Variants in P2RX7 observed in about 807,000 individuals in gnomAD.
The protein encoded by P2RX7 is purinergic receptor P2X 7.
P2RX7 carries 62 observed loss-of-function variants against 71.6 expected under a neutral mutation model. The ratio of observed to expected loss-of-function variants is 0.87; its 90% CI spans 0.71 to 1.07. The LOEUF (loss-of-function observed/expected upper bound fraction) is 1.07. Among genes scored for constraint, P2RX7 ranks in the 50% least tolerant of loss-of-function variants. The probability of loss-of-function intolerance (pLI) is 0.00; values close to 1 mark genes in which losing one functional copy is unlikely to be tolerated. For synonymous variants in P2RX7, 299 were observed against 283.3 expected (o/e 1.06, Z -0.56); for missense variants, 686 against 748.5 (o/e 0.92, Z 0.97).
chr12:121,180,431 A>G lies in P2RX7; in HGVS notation c.1266A>G (p.Gln422=). ...AGCAGCTACTAGGGAGAAGTCTGCA[A>G]GATGTCAAGGGCCAAGAAGTCCCAG... ...VNQQLLGRSL[Q]DVKGQEVPRP... The change falls in exon 12 of 13, where the codon CAA becomes CAG. Residue 422 remains glutamine, a synonymous_variant. Coordinates refer to ENST00000328963, the MANE Select transcript of P2RX7 (RefSeq NM_002562.6). 1 of 1,600,634 alleles carries G rather than the reference A, an allele frequency of 6.2e-7. No individual in the cohort carries two copies. The highest frequency in any genetic ancestry group is 8.5e-7 in the Non-Finnish European group (1 of 1,172,600).
At chr12:121,179,407 G>C (rs546405399) in intron 11 of P2RX7, among the ~76,000 whole-genome samples, 1 of 151,764 alleles carries the variant, frequency 6.6e-6, no homozygotes, top group African/African-American at 2.4e-5. Flanking sequence ...GGCTGAGGCA[G>C]GAGAATCGCT....
intron 4 of P2RX7, 36 bp downstream of exon 4, chr12:121,161,010 G>A: frequency 6.6e-7 from 1 of 1,506,464 alleles, no homozygotes; most frequent in Non-Finnish European, 9.2e-7. Context: ...CCCTAGGGGT[G>A]GATGGTCTGG....
rs200942168 is a variant in P2RX7 at position 121,154,937 on chromosome 12, A to T, written c.278A>T (p.Tyr93Phe). ...LVHSVFDTAD[Y>F]TFPLQGNSFF... ...CACAGTGTCTTTGACACCGCAGACTACACCTTCCCTTTGCAGGTGAGCACC... is the reference window on the plus strand; with the variant it reads ...CACAGTGTCTTTGACACCGCAGACTTCACCTTCCCTTTGCAGGTGAGCACC... Residue 93 changes from tyrosine to phenylalanine, a missense_variant, in exon 2 of 13, where the codon TAC becomes TTC. By Grantham distance (22) the Tyr-to-Phe change is conservative. Coordinates refer to ENST00000328963, the MANE Select transcript of P2RX7 (RefSeq NM_002562.6). The surrounding 1 kb of genome is among the most constrained non-coding windows in gnomAD (Gnocchi z 4.2). The T allele has an allele frequency of 2.3e-5, 37 of 1,613,974 alleles. No individual in the cohort carries two copies. The highest frequency in any genetic ancestry group is 3.0e-5 in the Non-Finnish European group (35 of 1,179,982).
chr12:121,165,221 T>C (rs1482919917), intron 5 of P2RX7, 136 bp from the exon 6 acceptor site: 3 of 649,602 alleles, frequency 4.6e-6, no homozygotes, highest in Non-Finnish European at 8.2e-6. Context: ...CTTTGCCCAC[T>C]AGGTTTGCTG....
chr12:121,162,037 G>C (rs1004973998), intron 4 of P2RX7, among the ~76,000 whole-genome samples: 17 of 152,148 alleles, frequency 1.1e-4, no homozygotes, highest in African/African-American at 4.1e-4. Context: ...CTGATTTCAT[G>C]GCTTTGCACA....
intron 1 of P2RX7, among the ~76,000 whole-genome samples, chr12:121,140,487 G>T (rs1874621700): frequency 6.6e-6 from 1 of 152,210 alleles, no homozygotes; most frequent in East Asian, 1.9e-4. Flanking sequence ...GTCACCAGAT[G>T]CGAGGAGATA....
Position 121,187,873 on chromosome 12 carries a change from G to C in P2RX7, c.*3071G>C, listed in dbSNP as rs1885024918. The stretch of plus-strand genomic sequence containing the variant: ...TTCCTTTCTGTGTCAGAAGAGAAGG[G>C]ATCTGCTTTCTCTTGGCTGATTTCA... On this transcript the variant is annotated 3_prime_UTR_variant, in exon 13 of 13. Transcript: ENST00000328963. The C allele has an allele frequency of 1.3e-5, 2 of 152,188 alleles. No individual in the cohort carries two copies. Among genetic ancestry groups the C allele is most frequent in the African/African-American group, 4.8e-5 (2 of 41,448 alleles). The allele number at this position is 152,188 out of a possible 1,614,324, so 9.4% of individuals were successfully genotyped here.
chr12:121,157,970 G>T (rs529061042), intron 3 of P2RX7, among the ~76,000 whole-genome samples: 105 of 152,338 alleles, frequency 6.9e-4, no homozygotes, highest in African/African-American at 2.4e-3. Context: ...CACTCAGAGT[G>T]ACTGGAACCC....
chr12:121,165,766 G>C (rs1880886771), intron 6 of P2RX7, among the ~76,000 whole-genome samples: 1 of 152,212 alleles, frequency 6.6e-6, no homozygotes, highest in African/African-American at 2.4e-5. Flanking sequence ...TATGGTGGCT[G>C]GCTTCTCCCA....
Position 121,132,888 on chromosome 12 carries a change from G to T in P2RX7, c.-83G>T. On this transcript the variant is annotated 5_prime_UTR_variant, in exon 1 of 13. Coordinates refer to ENST00000328963, the MANE Select transcript of P2RX7 (RefSeq NM_002562.6). ...AAAAACCAGTACGTTTCATTTTGCA[G>T]TTACTGGGAGGGGGCTTGCTGTGGC... 1 of 1,535,804 alleles carries T rather than the reference G, an allele frequency of 6.5e-7. No homozygotes were observed. The highest frequency in any genetic ancestry group is 8.9e-7 in the Non-Finnish European group (1 of 1,122,432).
At chr12:121,158,550 C>T (rs1186612279) in intron 3 of P2RX7, among the ~76,000 whole-genome samples, 1 of 152,234 alleles carries the variant, frequency 6.6e-6, no homozygotes, top group Non-Finnish European at 1.5e-5. Context: ...AGGCCTGGAA[C>T]TGGCAACAGC....
At chr12:121,150,742 T>C (rs169632) in intron 1 of P2RX7, among the ~76,000 whole-genome samples, 63,746 of 151,976 alleles carry the variant, frequency 0.42, 16,756 homozygotes, top group African/African-American at 0.75. Context: ...AACCCCATCT[T>C]TACTAAAAAT....
intron 3 of P2RX7, among the ~76,000 whole-genome samples, chr12:121,159,828 G>A (rs1718162): frequency 0.1 from 15,681 of 152,076 alleles, 983 homozygotes; most frequent in African/African-American, 0.18. Context: ...CTGAGTCTCC[G>A]CACCTGTTTG....
At chr12:121,156,242 T>C (rs1400262828) in intron 3 of P2RX7, 95 bp downstream of exon 3, 11 of 1,003,660 alleles carry the variant, frequency 1.1e-5, no homozygotes, top group African/African-American at 6.3e-5. Context: ...TGGGGTGTAT[T>C]TGAGCCCACA....
rs144325918 is a variant in P2RX7 at position 121,178,966 on chromosome 12, T to A, written c.1189-1388T>A. Among the ~76,000 whole-genome samples, 31 of 151,948 alleles carry A rather than the reference T, an allele frequency of 2.0e-4. 1 individual carries two copies. In the East Asian group the frequency reaches 6.0e-3, roughly 29 times the overall value. On this transcript the variant is annotated intron_variant, in intron 11 of 12. Coordinates refer to ENST00000328963, the MANE Select transcript of P2RX7 (RefSeq NM_002562.6). ...ATATTTTCTGCATGTATATTCTATA[T>A]ATACACAAGTGTACACACACACACA...
chr12:121,152,850 A>T (rs1877736637), intron 1 of P2RX7, among the ~76,000 whole-genome samples: 1 of 152,156 alleles, frequency 6.6e-6, no homozygotes, highest in South Asian at 2.1e-4. Context: ...CCAACAATTT[A>T]TTTATCCATT....
intron 1 of P2RX7, chr12:121,148,998 A>G: frequency 1.9e-6 from 1 of 512,900 alleles, no homozygotes; most frequent in Non-Finnish European, 3.9e-6. Flanking sequence ...TTTGCGCTGG[A>G]AGCCCAGGGG....
chr12:121,175,236 A>G (rs1882870953), intron 8 of P2RX7, 152 bp from the exon 9 acceptor site: 2 of 540,890 alleles, frequency 3.7e-6, no homozygotes, highest in South Asian at 5.2e-5. Context: ...ATCTGAGCCT[A>G]GCAAGTCAAG....
intron 9 of P2RX7, 44 bp from the exon 10 acceptor site, chr12:121,177,103 T>C (rs1883285668): frequency 1.3e-6 from 2 of 1,542,964 alleles, no homozygotes; most frequent in Non-Finnish European, 1.8e-6. Context: ...AAAAGAGCGT[T>C]GCTCTGAATT....
Sources: allele counts gnomAD v4.1 joint callset (sites outside exome capture counted in the v4.1 genomes callset), GRCh38; gene constraint gnomAD v4.1.1; non-coding constraint Gnocchi (gnomAD v3.1); transcripts MANE v1.5; gene names NCBI Gene and HGNC (gene_info 2026-07-23, HGNC 2026-07-21).